Variants in SPINT1 observed in about 807,000 individuals in gnomAD.
SPINT1 encodes the protein kunitz-type protease inhibitor 1.
A neutral mutation model predicts 53.7 loss-of-function variants in SPINT1; 38 were observed. The observed-to-expected ratio is 0.71, with a 90% CI of 0.55 to 0.93. The LOEUF is 0.93. SPINT1 is among the 40% of genes least tolerant of loss of function. The pLI is 0.00. For missense variants in SPINT1, 645 were observed against 692.9 expected (o/e 0.93, Z 0.78); for synonymous variants, 283 against 280.6 (o/e 1.01, Z -0.08).
At position 40,854,423 on chromosome 15, in the gene SPINT1, C is replaced by T; in HGVS notation, c.967C>T (p.Gln323Ter). 1 of 1,609,512 alleles carries T rather than the reference C, an allele frequency of 6.2e-7. No homozygotes were observed. The highest frequency in any genetic ancestry group is 8.5e-7 in the Non-Finnish European group (1 of 1,177,592). The change falls in exon 7 of 11, where the codon CAG becomes TAG. Residue 323 changes from glutamine (Q) to a stop codon, truncating the protein, a stop_gained. Coordinates refer to ENST00000562057, the MANE Select transcript of SPINT1 (RefSeq NM_003710.4). LOFTEE classifies it high-confidence loss of function. ...PVCSGTCQPTQFRCSNGCCID... is the reference protein window; with the variant it reads ...PVCSGTCQPT The stretch of plus-strand genomic sequence containing the variant: ...GTGCTCTGGCACCTGTCAGCCCACC[C>T]AGTTCCGCTGCAGCAATGGCTGCTG...
At position 40,856,166 on chromosome 15, in the gene SPINT1, G is replaced by A. The variant is rs111363328; in HGVS notation, c.1288+104G>A. ...GGAGTCACCCCTCCATCCTCAGAGC[G>A]CCTGGAGTAGGAGTGGGAGAGGATG... is the stretch of plus-strand genomic sequence containing the variant. On this transcript the variant is annotated intron_variant, in intron 9 of 10. Transcript: ENST00000562057. 5,138 of 1,591,174 alleles carry A rather than the reference G, an allele frequency of 3.2e-3. 29 individuals are homozygous for A. The highest frequency in any genetic ancestry group is 8.0e-3 in the South Asian group (712 of 89,232).
rs1566858991 is a variant in SPINT1 at position 40,856,966 on chromosome 15, GC to G, written c.1537del (p.Leu513SerfsTer142). 6.2e-7 allele frequency: 1 copy of G among 1,613,826 alleles called. No individual in the cohort carries two copies. The highest frequency in any genetic ancestry group is 1.1e-5 in the South Asian group (1 of 91,066). Reference sequence around the variant, plus strand: ...ACCTGGTCTATAACCACACCACGCGGCCCCTCTGAGCCTGGGTCTCACCGGC... The same window carrying G: ...ACCTGGTCTATAACCACACCACGCGGCCCTCTGAGCCTGGGTCTCACCGGC... ...EHLVYNHTTR[P>X]L is the part of the protein sequence containing the mutation. On this transcript the variant is annotated frameshift_variant, in exon 11 of 11. Transcript: ENST00000562057. LOFTEE classifies it high-confidence loss of function.
Position 40,844,465 on chromosome 15 carries a change from C to T in SPINT1, c.-65-25C>T, listed in dbSNP as rs1288232064. On this transcript the variant is annotated intron_variant, in intron 1 of 10. Transcript: ENST00000562057. This position sits in a 1 kb window ranked among gnomAD's most constrained non-coding sequence, Gnocchi z 5.8. ...CCCGGGCTGATCAGGTGTGTCTCCT[C>T]CTCTGTCCCCTCCCTTCTTCTCAGG... 3 of 1,323,502 alleles carry T rather than the reference C, an allele frequency of 2.3e-6. No homozygotes were observed. The highest frequency in any genetic ancestry group is 2.4e-5 in the South Asian group (2 of 84,636). The allele number at this position is 1,323,502 out of a possible 1,614,324, so 82.0% of individuals were successfully genotyped here. A position where few individuals can be genotyped will look rare whatever the true frequency, so the allele number is the denominator to read the frequency against.
chr15:40,847,266 C>A (rs1891323003), intron 2 of SPINT1, among the ~76,000 whole-genome samples: 1 of 152,082 alleles, frequency 6.6e-6, no homozygotes, highest in Admixed American at 6.6e-5. Flanking sequence ...GTGTGTGTGT[C>A]AAGGGGTTTA....
intron 8 of SPINT1, 80 bp from the exon 9 acceptor site, chr15:40,855,812 G>A (rs1891614991): frequency 2.0e-6 from 3 of 1,497,000 alleles, no homozygotes; most frequent in Non-Finnish European, 2.7e-6. Flanking sequence ...GAGGTGCTGG[G>A]CAGCAGCCAC....
intron 2 of SPINT1, among the ~76,000 whole-genome samples, chr15:40,847,126 A>G (rs1441087122): frequency 6.6e-6 from 1 of 152,204 alleles, no homozygotes; most frequent in East Asian, 1.9e-4. Context: ...CCTGTTTGCC[A>G]CAAGAGAGGG....
At position 40,857,137 on chromosome 15, in the gene SPINT1, C is replaced by T; in HGVS notation, c.*162C>T. The T allele has an allele frequency of 1.0e-5, 10 of 958,104 alleles. No homozygotes were observed. The highest frequency in any genetic ancestry group is 1.6e-5 in the African/African-American group (1 of 60,626). 59.4% of individuals were successfully genotyped at this position (958,104 alleles called of 1,614,324 possible). Reference sequence around the variant, plus strand: ...CTCTTGGAGAAGTCTCAGCTAAGCTCACGTCCTGAGAAAGCTCAAAGGTTT... The same window carrying T: ...CTCTTGGAGAAGTCTCAGCTAAGCTTACGTCCTGAGAAAGCTCAAAGGTTT... On this transcript the variant is annotated 3_prime_UTR_variant, in exon 11 of 11. Transcript: ENST00000562057.
rs369178359 is a variant in SPINT1 at position 40,853,619 on chromosome 15, A to C, written c.734A>C (p.Gln245Pro). The C allele has an allele frequency of 6.2e-6, 10 of 1,613,876 alleles. No homozygotes were observed. The highest frequency in any genetic ancestry group is 2.7e-5 in the African/African-American group (2 of 74,914). ...ACAGTCACTGTGCTGTCCACCAAGCAGACAGAAGGTGAGGGAGGGGTGAGG... is the reference window on the plus strand; with the variant it reads ...ACAGTCACTGTGCTGTCCACCAAGCCGACAGAAGGTGAGGGAGGGGTGAGG... ...NVTVTVLSTK[Q>P]TEDYCLASNK... is the part of the protein sequence containing the mutation. Residue 245 changes from glutamine to proline, a missense_variant, in exon 4 of 11, where the codon CAG becomes CCG. Coordinates refer to ENST00000562057, the MANE Select transcript of SPINT1 (RefSeq NM_003710.4).
At chr15:40,853,097 C>T (rs1323881916) in intron 2 of SPINT1, 27 bp from the exon 3 acceptor site, 1 of 1,610,128 alleles carries the variant, frequency 6.2e-7, no homozygotes, top group African/African-American at 1.3e-5. Context: ...TGAGAATTGA[C>T]CTTATCTCAC....
In SPINT1 at chr15:40,856,076, T is replaced by C; in HGVS notation, c.1288+14T>C. 1 of 1,613,308 alleles carries C rather than the reference T, an allele frequency of 6.2e-7. No homozygotes were observed. The highest frequency in any genetic ancestry group is 1.7e-5 in the Admixed American group (1 of 59,990). ...GCGGCATCTCCAGTGAGTGGGCCAG[T>C]GAGAGGGTGGGCATGTATGGGGGAA... On this transcript the variant is annotated intron_variant, in intron 9 of 10. Transcript: ENST00000562057.
At chr15:40,856,447 G>A in intron 10 of SPINT1, 124 bp downstream of exon 10, 1 of 1,254,564 alleles carries the variant, frequency 8.0e-7, no homozygotes. Flanking sequence ...TAGAGACAGA[G>A]TACCGTAATC....
At chr15:40,847,297 G>A (rs1199503313) in intron 2 of SPINT1, among the ~76,000 whole-genome samples, 2 of 152,212 alleles carry the variant, frequency 1.3e-5, no homozygotes, top group African/African-American at 4.8e-5. Flanking sequence ...GGTCCAGTTA[G>A]AGAGGTTGGA....
intron 2 of SPINT1, among the ~76,000 whole-genome samples, chr15:40,848,175 G>A (rs1455176783): frequency 2.0e-5 from 3 of 152,058 alleles, no homozygotes; most frequent in Non-Finnish European, 4.4e-5. Flanking sequence ...GGTCTTCTCA[G>A]CCCCAGAACC....
rs1210528951 is a variant in SPINT1 at position 40,858,000 on chromosome 15, C to T, written c.*1025C>T. 6.6e-6 allele frequency: 1 copy of T among 152,150 alleles called. No homozygotes were observed. The highest frequency in any genetic ancestry group is 1.5e-5 in the Non-Finnish European group (1 of 68,032). 9.4% of individuals were successfully genotyped at this position (152,150 alleles called of 1,614,324 possible). ...TTAGGGGTGCACAGGCACCTTGGCT[C>T]CTACCTCCATGTTAGGGCCCAGGTG... On this transcript the variant is annotated 3_prime_UTR_variant, in exon 11 of 11. Transcript: ENST00000562057.
In SPINT1 at chr15:40,855,997, G is replaced by T; in HGVS notation, c.1223G>T (p.Cys408Phe). ...EHCARFTYGG[C>F]YGNKNNFEEE... ...TGCGCCCGCTTTACCTATGGTGGTT[G>T]TTACGGCAACAAGAACAACTTTGAG... The change falls in exon 9 of 11, where the codon TGT (cysteine) becomes TTT (phenylalanine). Residue 408 changes from cysteine to phenylalanine, a missense_variant. Coordinates refer to ENST00000562057, the MANE Select transcript of SPINT1 (RefSeq NM_003710.4). The T allele has an allele frequency of 6.2e-7, 1 of 1,614,238 alleles. No individual in the cohort carries two copies. The highest frequency in any genetic ancestry group is 8.5e-7 in the Non-Finnish European group (1 of 1,180,036).
Position 40,853,756 on chromosome 15 carries a change from TC to T in SPINT1, c.791del (p.Pro264HisfsTer35). ...SNKVGRCRGS[F>X]PRWYYDPTEQ... ...AAGGTGGGTCGCTGCCGGGGCTCTT[TC>T]CCACGCTGGTACTATGACCCCACGG... is the stretch of plus-strand genomic sequence containing the variant. On this transcript the variant is annotated frameshift_variant, in exon 5 of 11. Coordinates refer to ENST00000562057, the MANE Select transcript of SPINT1 (RefSeq NM_003710.4). LOFTEE classifies it high-confidence loss of function. The T allele has an allele frequency of 6.2e-7, 1 of 1,614,154 alleles. No homozygotes were observed. Among genetic ancestry groups the T allele is most frequent in the Non-Finnish European group, 8.5e-7 (1 of 1,180,000 alleles).
chr15:40,845,209 G>T (rs567266762), intron 2 of SPINT1, among the ~76,000 whole-genome samples, 180 bp downstream of exon 2: 7 of 151,244 alleles, frequency 4.6e-5, no homozygotes, highest in African/African-American at 1.7e-4. Context: ...GTGCAATGGC[G>T]CAATCTCTGG....
Position 40,853,766 on chromosome 15 carries a change from GT to G in SPINT1, c.799del (p.Tyr267ThrfsTer32). 1 of 1,614,204 alleles carries G rather than the reference GT, an allele frequency of 6.2e-7. No individual in the cohort carries two copies. Among genetic ancestry groups the G allele is most frequent in the Non-Finnish European group, 8.5e-7 (1 of 1,180,018 alleles). The stretch of plus-strand genomic sequence containing the variant: ...GCTGCCGGGGCTCTTTCCCACGCTG[GT>G]ACTATGACCCCACGGAGCAGATCTG... ...GRCRGSFPRW[Y>X]YDPTEQICKS... On this transcript the variant is annotated frameshift_variant, in exon 5 of 11. Transcript: ENST00000562057. LOFTEE classifies it high-confidence loss of function.
chr15:40,855,991 G>C lies in SPINT1; in HGVS notation c.1217G>C (p.Gly406Ala). ...GAACACTGCGCCCGCTTTACCTATG[G>C]TGGTTGTTACGGCAACAAGAACAAC... ...FSEHCARFTY[G>A]GCYGNKNNFE... The change falls in exon 9 of 11, where the codon GGT becomes GCT. Residue 406 changes from glycine to alanine, a missense_variant. Physicochemically the swap from Gly to Ala is moderately conservative, Grantham distance 60. Transcript: ENST00000562057. The C allele has an allele frequency of 6.2e-7, 1 of 1,614,216 alleles. No individual in the cohort carries two copies. The highest frequency in any genetic ancestry group is 2.2e-5 in the East Asian group (1 of 44,876).
Sources: allele counts gnomAD v4.1 joint callset (sites outside exome capture counted in the v4.1 genomes callset), GRCh38; gene constraint gnomAD v4.1.1; non-coding constraint Gnocchi (gnomAD v3.1); transcripts MANE v1.5; gene names NCBI Gene and HGNC (gene_info 2026-07-23, HGNC 2026-07-21).